The following RALYL variants were observed in gnomAD, a reference collection of about 807,000 sequenced individuals.
The protein encoded by RALYL is RALY RNA binding protein like, also known as RNA-binding Raly-like protein.
Under a neutral mutation model 35.1 loss-of-function variants are expected in RALYL, and 29 were observed. The ratio of observed to expected loss-of-function variants is 0.83; its 90% CI spans 0.61 to 1.13. The LOEUF is 1.13. Ranked by LOEUF, RALYL falls within the 50% of genes most tolerant of loss-of-function variation. The pLI is 0.00. For missense variants in RALYL, 359 were observed against 360.4 expected, an observed-to-expected ratio of 1.00 and a Z score of 0.03; for synonymous variants, 120 against 127.6, an observed-to-expected ratio of 0.94 and a Z score of 0.40.
At chr8:84,879,031 G>A (rs552009123) in intron 7 of RALYL, among the ~76,000 whole-genome samples, 7 of 152,010 alleles carry the variant, frequency 4.6e-5, no homozygotes, top group South Asian at 2.1e-4. Context: ...AAAACACAGC[G>A]ATAAACCAAG....
intron 2 of RALYL, among the ~76,000 whole-genome samples, chr8:84,583,431 CT>C (rs1244656595): frequency 6.6e-6 from 1 of 152,116 alleles, no homozygotes; most frequent in Non-Finnish European, 1.5e-5. Context: ...TATTTGTAAA[CT>C]TTTCAGTACA....
chr8:84,798,417 T>C (rs1822437659), intron 3 of RALYL, among the ~76,000 whole-genome samples: 1 of 152,228 alleles, frequency 6.6e-6, no homozygotes, highest in Admixed American at 6.5e-5. Context: ...CTAATGTGTG[T>C]AGTTATATAT....
intron 2 of RALYL, among the ~76,000 whole-genome samples, chr8:84,619,663 T>C (rs1820804416): frequency 6.6e-6 from 1 of 151,200 alleles, no homozygotes; most frequent in Non-Finnish European, 1.5e-5. Flanking sequence ...TTTTGCTCGT[T>C]AGTTGATGCA....
In RALYL at chr8:84,818,152, C is replaced by T. The variant is rs1477768548; in HGVS notation, c.365+13350C>T. Among the ~76,000 whole-genome samples the T allele has an allele frequency of 2.0e-5, 3 of 152,068 alleles. No individual in the cohort carries two copies. In the East Asian group the frequency reaches 5.8e-4, roughly 29 times the overall value. On this transcript the variant is annotated intron_variant, in intron 4 of 8. Coordinates refer to ENST00000521268, the MANE Select transcript of RALYL (RefSeq NM_173848.7). The stretch of plus-strand genomic sequence containing the variant: ...AAGAGAGACAAGAAAAAAAGCAAAA[C>T]AGCAGCCTGAAGACAGGAAGACAAT...
chr8:84,313,990 T>C (rs1294104825), intron 1 of RALYL, among the ~76,000 whole-genome samples: 2 of 152,120 alleles, frequency 1.3e-5, no homozygotes, highest in African/African-American at 2.4e-5. Context: ...AACTGGGTAA[T>C]TTATAAGAAA....
chr8:84,802,784 T>TTGA (rs1172637531), intron 3 of RALYL, among the ~76,000 whole-genome samples: 2 of 152,100 alleles, frequency 1.3e-5, no homozygotes, highest in Non-Finnish European at 2.9e-5. Flanking sequence ...AGTGGCAGCA[T>TTGA]TGATGGAAGC....
chr8:84,546,099 C>T (rs2060336849), intron 2 of RALYL, among the ~76,000 whole-genome samples: 1 of 151,962 alleles, frequency 6.6e-6, no homozygotes, highest in Admixed American at 6.6e-5. Flanking sequence ...CGGGATGAGA[C>T]AGTGGAGAGA....
chr8:84,252,425 C>T (rs903796039), intron 1 of RALYL, among the ~76,000 whole-genome samples: 11 of 152,046 alleles, frequency 7.2e-5, no homozygotes, highest in African/African-American at 2.2e-4. Flanking sequence ...AACTCACAAA[C>T]GCCTACACGG....
At chr8:84,782,023 A>ACG (rs1272271027) in intron 3 of RALYL, among the ~76,000 whole-genome samples, 54 of 83,932 alleles carry the variant, frequency 6.4e-4, no homozygotes, top group African/African-American at 3.0e-3. Context: ...CATGCTGTGC[A>ACG]CACGCGCGCA....
chr8:84,477,056 T>G (rs1168708173), intron 1 of RALYL, among the ~76,000 whole-genome samples: 1 of 152,162 alleles, frequency 6.6e-6, no homozygotes, highest in Non-Finnish European at 1.5e-5. Flanking sequence ...GGTGATAAAT[T>G]TGAAATCATG....
chr8:84,381,941 A>G (rs1421020537), intron 1 of RALYL, among the ~76,000 whole-genome samples: 4 of 151,838 alleles, frequency 2.6e-5, no homozygotes, highest in Non-Finnish European at 1.5e-5. Flanking sequence ...AATCTTTGAA[A>G]CATTAAAGTT....
At chr8:84,432,007 T>C (rs1221100449) in intron 1 of RALYL, among the ~76,000 whole-genome samples, 1 of 152,156 alleles carries the variant, frequency 6.6e-6, no homozygotes, top group East Asian at 1.9e-4. Context: ...GTAGCAGCTA[T>C]GGAAAATAGC....
intron 2 of RALYL, among the ~76,000 whole-genome samples, chr8:84,588,048 A>T (rs1812383793): frequency 6.6e-6 from 1 of 152,082 alleles, no homozygotes; most frequent in Non-Finnish European, 1.5e-5. Flanking sequence ...TCCCTCCCCT[A>T]ACCCAAGAGA....
chr8:84,539,554 T>A (rs1044920154), intron 2 of RALYL, among the ~76,000 whole-genome samples: 18 of 152,014 alleles, frequency 1.2e-4, no homozygotes, highest in African/African-American at 4.3e-4. Context: ...TGATGGTTTC[T>A]GCTTTTTCTG....
chr8:84,840,781 C>A (rs546227950), intron 4 of RALYL, among the ~76,000 whole-genome samples: 72 of 152,340 alleles, frequency 4.7e-4, no homozygotes, highest in Non-Finnish European at 9.3e-4. Flanking sequence ...GGCAGAAACT[C>A]TACAAGCCAG....
intron 6 of RALYL, among the ~76,000 whole-genome samples, chr8:84,865,162 A>C (rs1400432412): frequency 6.6e-6 from 1 of 152,210 alleles, no homozygotes. Flanking sequence ...TCATTAATTT[A>C]TAGTACTTTT....
intron 3 of RALYL, among the ~76,000 whole-genome samples, chr8:84,778,942 G>A (rs911287255): frequency 6.6e-6 from 1 of 151,998 alleles, no homozygotes; most frequent in Non-Finnish European, 1.5e-5. Flanking sequence ...GAGCAAAAAG[G>A]AATTATTTCA....
chr8:84,834,525 G>A (rs940684399), intron 4 of RALYL, among the ~76,000 whole-genome samples: 1 of 152,168 alleles, frequency 6.6e-6, no homozygotes, highest in African/African-American at 2.4e-5. Flanking sequence ...CAGAGAATAA[G>A]AAGAAAAGCA....
At chr8:84,445,958 A>G (rs936066229) in intron 1 of RALYL, among the ~76,000 whole-genome samples, 29 of 151,702 alleles carry the variant, frequency 1.9e-4, no homozygotes, top group Admixed American at 6.6e-5. Flanking sequence ...TATTGTTTAA[A>G]GATTTATATA....
Sources: allele counts gnomAD v4.1 joint callset (sites outside exome capture counted in the v4.1 genomes callset), GRCh38; gene constraint gnomAD v4.1.1; transcripts MANE v1.5; gene names NCBI Gene and HGNC (gene_info 2026-07-23, HGNC 2026-07-21).